Variants in POU2F2 observed in about 807,000 individuals in gnomAD.
The protein encoded by POU2F2 is POU domain, class 2, transcription factor 2.
Under a neutral mutation model 63.5 loss-of-function variants are expected in POU2F2, and 14 were observed. That is an observed-to-expected ratio of 0.22 (90% CI 0.15 to 0.34). POU2F2 has a LOEUF of 0.34. POU2F2 is among the 10% of genes least tolerant of loss of function. POU2F2 has a pLI of 1.00. For synonymous variants in POU2F2, 306 were observed against 348.6 expected (o/e 0.88, Z 1.36); for missense variants, 607 against 815.2 (o/e 0.74, Z 3.11).
At chr19:42,184,308 A>G (rs1333378092) in intron 1 of POU2F2, among the ~76,000 whole-genome samples, 2 of 152,048 alleles carry the variant, frequency 1.3e-5, no homozygotes, top group Non-Finnish European at 2.9e-5. Flanking sequence ...GGGGATTTCT[A>G]ATTGGCCTCC....
At chr19:42,135,156 A>G (rs1188908394), upstream of POU2F2, among the ~76,000 whole-genome samples, 1 of 152,094 alleles carries the variant, frequency 6.6e-6, no homozygotes, top group Non-Finnish European at 1.5e-5. Flanking sequence ...TTCTTTCCCC[A>G]TAGGCACTGC....
rs1212244862 is a variant in POU2F2, at chr19:42,153,904, A to G, written c.-9+6428T>C. 1.3e-5 allele frequency among the ~76,000 whole-genome samples: 2 copies of G among 152,120 alleles called. No homozygotes were observed. Among genetic ancestry groups the G allele is most frequent in the Non-Finnish European group, 2.9e-5 (2 of 68,008 alleles). ...TACATCATCTCCAAATCCCAATGTC[A>G]GGGCCTGCCTGCCTTCTTTCCCTTC... On this transcript the variant is annotated intron_variant, in intron 2 of 6. Coordinates refer to the POU2F2 transcript ENST00000524801. The surrounding 1 kb of genome is among the most constrained non-coding windows in gnomAD (Gnocchi z 5.6).
upstream of POU2F2, chr19:42,133,352 G>C (rs985219707): frequency 6.6e-6 from 1 of 152,090 alleles, no homozygotes; most frequent in African/African-American, 2.4e-5. The surrounding 1 kb of genome is among the most constrained non-coding windows in gnomAD (Gnocchi z 5.1). Context: ...ACCTCCGCTC[G>C]CACACCTGCG....
intron 2 of POU2F2, among the ~76,000 whole-genome samples, chr19:42,159,724 C>T (rs373351740): frequency 1.3e-5 from 2 of 152,302 alleles, no homozygotes; most frequent in East Asian, 1.9e-4. Context: ...TTCAGGGGAA[C>T]GCTTCCAGCC....
In POU2F2 at chr19:42,122,362, T is replaced by C. The variant is rs775501065; in HGVS notation, c.111A>G (p.Gly37=). Residue 37 remains glycine, a synonymous_variant, in exon 3 of 15, where the codon GGA becomes GGG. Transcript: ENST00000692977. ...PSEHTDTERN[G]PDTNHQNPQN... ...TCCTAACCTGATGATTAGTGTCTGG[T>C]CCATTTCTTTCGGTGTCTGCAAAGA... The C allele has an allele frequency of 6.2e-7, 1 of 1,603,768 alleles. No homozygotes were observed. Among genetic ancestry groups the C allele is most frequent in the African/African-American group, 1.4e-5 (1 of 72,656 alleles).
upstream of POU2F2, among the ~76,000 whole-genome samples, chr19:42,176,186 G>A (rs57160651): frequency 6.6e-3 from 1,008 of 151,894 alleles, 14 homozygotes; most frequent in African/African-American, 0.023. Context: ...TGGGGGTCCC[G>A]CCCAGCCCGG....
In POU2F2 at chr19:42,155,243, C is replaced by G. The variant is rs1296968444; in HGVS notation, c.-9+5089G>C. ...CGCTCAGCTCGCATGCACGCGCCCT[C>G]TCTTTCTCTCTGTTCCTTTCTGTCT... On this transcript the variant is annotated intron_variant, in intron 2 of 6. Coordinates refer to the POU2F2 transcript ENST00000524801. This position sits in a 1 kb window ranked among gnomAD's most constrained non-coding sequence, Gnocchi z 4.2. Among the ~76,000 whole-genome samples, 2 of 152,190 alleles carry G rather than the reference C, an allele frequency of 1.3e-5. No individual in the cohort carries two copies. The highest frequency in any genetic ancestry group is 2.9e-5 in the Non-Finnish European group (2 of 68,036).
chr19:42,161,250 T>C (rs1344350871), intron 1 of POU2F2, among the ~76,000 whole-genome samples: 1 of 152,184 alleles, frequency 6.6e-6, no homozygotes, highest in African/African-American at 2.4e-5. Context: ...GGACTTTGCC[T>C]GTCCAGGGTT....
intron 6 of POU2F2, 48 bp downstream of exon 6, chr19:42,099,668 G>A (rs1368002566): frequency 3.9e-5 from 63 of 1,596,394 alleles, no homozygotes; most frequent in East Asian, 6.7e-5. Context: ...GGAAGGTGAG[G>A]AAGTTCTGTG....
At position 42,095,599 on chromosome 19, in the gene POU2F2, C is replaced by T. The variant is rs373724008; in HGVS notation, c.966G>A (p.Lys322=). 3.7e-6 allele frequency: 6 copies of T among 1,612,938 alleles called. No individual in the cohort carries two copies. Among genetic ancestry groups the T allele is most frequent in the Admixed American group, 1.7e-5 (1 of 59,898 alleles). Residue 322 remains lysine, a synonymous_variant, in exon 10 of 15, where the codon AAG becomes AAA. Coordinates refer to ENST00000692977, the MANE Select transcript of POU2F2 (RefSeq NM_001394376.1). This position sits in a 1 kb window ranked among gnomAD's most constrained non-coding sequence, Gnocchi z 7.1. The part of the protein sequence containing the change: ...FDGLPGRRRK[K]RTSIETNVRF... ...GGACGTTTGTCTCGATGCTGGTCCT[C>T]TTCTTGCGTCTCCGGCCGGGCAGGC...
At chr19:42,164,264 C>T (rs1599698024) in intron 1 of POU2F2, among the ~76,000 whole-genome samples, 2 of 149,818 alleles carry the variant, frequency 1.3e-5, no homozygotes, top group East Asian at 3.9e-4. Flanking sequence ...TGCACTCCAG[C>T]CTGGACGACA....
intron 2 of POU2F2, among the ~76,000 whole-genome samples, chr19:42,145,413 C>T (rs2034210216): frequency 6.6e-6 from 1 of 152,190 alleles, no homozygotes; most frequent in African/African-American, 2.4e-5. Flanking sequence ...CCACAGAGGG[C>T]CCTGCCTACA....
At chr19:42,187,628 G>C (rs140977133) in intron 1 of POU2F2, among the ~76,000 whole-genome samples, 7 of 151,814 alleles carry the variant, frequency 4.6e-5, no homozygotes, top group Admixed American at 6.6e-5. Flanking sequence ...TGGGCATGGT[G>C]GTGGGCGCCT....
chr19:42,173,655 C>T (rs12232804), intron 1 of POU2F2, among the ~76,000 whole-genome samples: 13,416 of 151,930 alleles, frequency 0.088, 812 homozygotes, highest in Middle Eastern at 0.19. Flanking sequence ...TGTGCATACA[C>T]ACACACTGTG....
chr19:42,086,481 G>T lies in POU2F2; in HGVS notation c.*4776C>A, dbSNP rs2076551074. 1 of 152,156 alleles carries T rather than the reference G, an allele frequency of 6.6e-6. No homozygotes were observed. Among genetic ancestry groups the T allele is most frequent in the African/African-American group, 2.4e-5 (1 of 41,408 alleles). The allele number at this position is 152,156 out of a possible 1,614,324, so 9.4% of individuals were successfully genotyped here. A position where few individuals can be genotyped will look rare whatever the true frequency, so the allele number is the denominator to read the frequency against. On this transcript the variant is annotated 3_prime_UTR_variant, in exon 15 of 15. Coordinates refer to ENST00000692977, the MANE Select transcript of POU2F2 (RefSeq NM_001394376.1). ...CCCCATTCCAACCTGGTCATTCTGG[G>T]TGGTGAAAGACACCCACACCAGAAT... is the stretch of plus-strand genomic sequence containing the variant.
chr19:42,097,806 T>C (rs975731555), intron 7 of POU2F2, among the ~76,000 whole-genome samples: 49 of 152,052 alleles, frequency 3.2e-4, no homozygotes, highest in African/African-American at 1.2e-3. Flanking sequence ...AGACCCTGTC[T>C]CAAACAAAAA....
intron 1 of POU2F2, chr19:42,160,408 A>C (rs2034530514): frequency 6.6e-6 from 1 of 152,182 alleles, no homozygotes; most frequent in South Asian, 2.1e-4. Context: ...GAGAGAGGAG[A>C]ATGCAGTCAA....
chr19:42,190,071 T>C (rs2035059368), intron 1 of POU2F2, among the ~76,000 whole-genome samples: 1 of 151,954 alleles, frequency 6.6e-6, no homozygotes, highest in Non-Finnish European at 1.5e-5. Flanking sequence ...GAAACATGGA[T>C]GTATCTATAG....
chr19:42,087,646 C>G lies in POU2F2; in HGVS notation c.*3611G>C, dbSNP rs2076590872. 6.7e-6 allele frequency: 1 copy of G among 149,486 alleles called. No individual in the cohort carries two copies. Among genetic ancestry groups the G allele is most frequent in the Admixed American group, 6.7e-5 (1 of 14,906 alleles). The allele number at this position is 149,486 out of a possible 1,614,324, so 9.3% of individuals were successfully genotyped here. ...TGAAAAGGCCCACCATTAGGGTAGACCCAGTCTCTGTCCCTCCCTTAAGTA... is the reference window on the plus strand; with the variant it reads ...TGAAAAGGCCCACCATTAGGGTAGAGCCAGTCTCTGTCCCTCCCTTAAGTA... On this transcript the variant is annotated 3_prime_UTR_variant, in exon 15 of 15. Coordinates refer to ENST00000692977, the MANE Select transcript of POU2F2 (RefSeq NM_001394376.1).
Sources: allele counts gnomAD v4.1 joint callset (sites outside exome capture counted in the v4.1 genomes callset), GRCh38; gene constraint gnomAD v4.1.1; non-coding constraint Gnocchi (gnomAD v3.1); transcripts MANE v1.5; gene names NCBI Gene and HGNC (gene_info 2026-07-23, HGNC 2026-07-21).